Variants in CCNYL1 observed in about 807,000 individuals in gnomAD.
CCNYL1 encodes cyclin Y like 1.
CCNYL1 carries 16 observed loss-of-function variants against 44.2 expected under a neutral mutation model. The observed-to-expected ratio is 0.36, with a 90% CI of 0.25 to 0.55. CCNYL1 has a LOEUF of 0.55. CCNYL1 is among the 20% of genes least tolerant of loss of function. The pLI is 0.85. For synonymous variants in CCNYL1, 159 were observed against 163.2 expected, an observed-to-expected ratio of 0.97 and a Z score of 0.20; for missense variants, 348 against 451.8, an observed-to-expected ratio of 0.77 and a Z score of 2.08.
chr2:207,736,451 G>A (rs1026089591), intron 4 of CCNYL1, among the ~76,000 whole-genome samples: 11 of 152,262 alleles, frequency 7.2e-5, no homozygotes, highest in African/African-American at 2.4e-4. Flanking sequence ...AGTCGTGTCT[G>A]TTCACTAATA....
intron 1 of CCNYL1, among the ~76,000 whole-genome samples, chr2:207,723,874 CAA>C (rs58432475): frequency 1.1e-4 from 6 of 53,326 alleles, no homozygotes; most frequent in African/African-American, 5.9e-5. Context: ...GACTCCATCT[CAA>C]AAAAAAAAAA....
chr2:207,743,873 A>G (rs1047441347), intron 7 of CCNYL1, among the ~76,000 whole-genome samples: 39 of 152,086 alleles, frequency 2.6e-4, no homozygotes, highest in African/African-American at 9.2e-4. Context: ...GAGTCTAGCT[A>G]TGTTGCCCAG....
chr2:207,725,916 G>C (rs1478397212), intron 2 of CCNYL1, among the ~76,000 whole-genome samples: 1 of 152,194 alleles, frequency 6.6e-6, no homozygotes, highest in South Asian at 2.1e-4. Flanking sequence ...AGAAGTGGGG[G>C]TTCTATAATA....
intron 4 of CCNYL1, among the ~76,000 whole-genome samples, chr2:207,735,387 A>G (rs2091757581): frequency 6.6e-6 from 1 of 152,222 alleles, no homozygotes; most frequent in Non-Finnish European, 1.5e-5. Flanking sequence ...ATGTCCACAA[A>G]CAAATTCATC....
chr2:207,746,004 A>G (rs1315125483), intron 7 of CCNYL1, among the ~76,000 whole-genome samples: 1 of 152,206 alleles, frequency 6.6e-6, no homozygotes, highest in Non-Finnish European at 1.5e-5. Flanking sequence ...ACAGCAAATT[A>G]CAGCTTACCT....
chr2:207,714,883 ATAAAG>A (rs1411792177), intron 1 of CCNYL1: 1 of 153,460 alleles, frequency 6.5e-6, no homozygotes, highest in Non-Finnish European at 1.5e-5. Context: ...AACACCAAAT[ATAAAG>A]TATAGACACA....
At chr2:207,723,068 A>C (rs1255177558) in intron 1 of CCNYL1, among the ~76,000 whole-genome samples, 3 of 152,172 alleles carry the variant, frequency 2.0e-5, no homozygotes, top group Non-Finnish European at 4.4e-5. Context: ...TTGTCACGTC[A>C]TCTTTTCAAG....
rs1288181969 is a variant in CCNYL1, at chr2:207,746,602, C to CT, written c.640-445_640-444insT. ...TAGTGTCTTGCTTTGGCTGAGTAAG[C>CT]AAAGTCTCTGTAGAACATAAGAATA... On this transcript the variant is annotated intron_variant, in intron 7 of 9. Transcript: ENST00000295414. 2.6e-5 allele frequency among the ~76,000 whole-genome samples: 4 copies of CT among 152,266 alleles called. No homozygotes were observed. In the East Asian group the frequency reaches 7.7e-4, roughly 29 times the overall value.
chr2:207,738,707 A>G (rs2091783993), intron 5 of CCNYL1, among the ~76,000 whole-genome samples: 1 of 125,794 alleles, frequency 7.9e-6, no homozygotes, highest in Non-Finnish European at 1.6e-5. Flanking sequence ...ATTGGTTCAC[A>G]TCTCTTCTTT....
rs1000592763 is a variant in CCNYL1, at chr2:207,754,481, A to G, written c.*783A>G. The G allele has an allele frequency of 2.0e-5, 3 of 152,606 alleles. No individual in the cohort carries two copies. Among genetic ancestry groups the G allele is most frequent in the East Asian group, 1.9e-4 (1 of 5,196 alleles). The allele number at this position is 152,606 out of a possible 1,614,324, so 9.5% of individuals were successfully genotyped here. A position where few individuals can be genotyped will look rare whatever the true frequency, so the allele number is the denominator to read the frequency against. Reference sequence around the variant, plus strand: ...ATTAAAAGATATTTTCATAATGCCAACCAACATGGTGGTTCAGTGACGATG... The same window carrying G: ...ATTAAAAGATATTTTCATAATGCCAGCCAACATGGTGGTTCAGTGACGATG... On this transcript the variant is annotated 3_prime_UTR_variant, in exon 10 of 10. Transcript: ENST00000295414.
intron 3 of CCNYL1, among the ~76,000 whole-genome samples, chr2:207,731,935 G>A (rs937009758): frequency 2.0e-5 from 3 of 150,832 alleles, no homozygotes; most frequent in East Asian, 3.9e-4. Context: ...TCGGCCTCCC[G>A]AGTAGTTGGG....
At chr2:207,733,797 T>C (rs2091745756) in intron 3 of CCNYL1, 150 bp from the exon 4 acceptor site, 2 of 520,992 alleles carry the variant, frequency 3.8e-6, no homozygotes, top group Non-Finnish European at 7.0e-6. Context: ...GGGTTTCCCA[T>C]AGAGCTGCAC....
At chr2:207,747,238 C>A in intron 8 of CCNYL1, 25 bp downstream of exon 8, 1 of 1,584,284 alleles carries the variant, frequency 6.3e-7, no homozygotes, top group Non-Finnish European at 8.6e-7. Flanking sequence ...TTTTGGTGAA[C>A]TTTCTAACCA....
chr2:207,733,495 G>A (rs1307971581), intron 3 of CCNYL1, among the ~76,000 whole-genome samples: 1 of 152,088 alleles, frequency 6.6e-6, no homozygotes, highest in Non-Finnish European at 1.5e-5. Flanking sequence ...GAACTAATAC[G>A]TTTAATATTA....
intron 3 of CCNYL1, among the ~76,000 whole-genome samples, chr2:207,729,260 GCCCCCACCCCACCCCCCCCACC>G (rs1324024234): frequency 2.6e-5 from 1 of 38,508 alleles, no homozygotes; most frequent in African/African-American, 1.5e-4. Context: ...GCCCCCCCCC[GCCCCCACCCCACCCCCCCCACC>G]CCCCCGCACT....
chr2:207,753,816 A>C lies in CCNYL1; in HGVS notation c.*118A>C. ...TGTTTTCATCAAAAGGAAAGATCTCAAATTCAAGAGACTCATGGACAACAA... is the reference window on the plus strand; with the variant it reads ...TGTTTTCATCAAAAGGAAAGATCTCCAATTCAAGAGACTCATGGACAACAA... On this transcript the variant is annotated 3_prime_UTR_variant, in exon 10 of 10. Coordinates refer to ENST00000295414, the MANE Select transcript of CCNYL1 (RefSeq NM_001330218.2). 1 of 635,598 alleles carries C rather than the reference A, an allele frequency of 1.6e-6. No homozygotes were observed. Among genetic ancestry groups the C allele is most frequent in the Non-Finnish European group, 2.8e-6 (1 of 362,050 alleles). The allele number at this position is 635,598 out of a possible 1,614,324, so 39.4% of individuals were successfully genotyped here. A position where few individuals can be genotyped will look rare whatever the true frequency, so the allele number is the denominator to read the frequency against.
chr2:207,716,796 G>C (rs2091599790), intron 1 of CCNYL1, among the ~76,000 whole-genome samples: 1 of 152,126 alleles, frequency 6.6e-6, no homozygotes, highest in Admixed American at 6.5e-5. Flanking sequence ...TCATTTTGTA[G>C]TTAAGATATT....
At chr2:207,742,442 C>T in intron 7 of CCNYL1, 100 bp downstream of exon 7, 1 of 1,118,686 alleles carries the variant, frequency 8.9e-7, no homozygotes, top group Non-Finnish European at 1.2e-6. Context: ...AAATTATCAT[C>T]AGAACTTTAA....
intron 4 of CCNYL1, among the ~76,000 whole-genome samples, chr2:207,735,098 A>T (rs946615209): frequency 3.3e-5 from 5 of 152,242 alleles, no homozygotes; most frequent in African/African-American, 1.2e-4. Context: ...AACCTTGCTC[A>T]AACAAGTATA....
Sources: gnomAD v4.1 joint callset for allele counts (sites outside exome capture counted in the v4.1 genomes callset) on GRCh38, gnomAD v4.1.1 for gene constraint, MANE v1.5 for transcripts, NCBI Gene and HGNC (gene_info 2026-07-23, HGNC 2026-07-21) for gene names.